Variants in GDPD5 observed in about 807,000 individuals in gnomAD.
GDPD5 encodes the protein glycerophosphodiester phosphodiesterase domain containing 5.
A neutral mutation model predicts 75.1 loss-of-function variants in GDPD5; 48 were observed. The observed-to-expected ratio is 0.64, with a 90% CI of 0.51 to 0.81. The LOEUF (loss-of-function observed/expected upper bound fraction) is 0.81. Among genes scored for constraint, GDPD5 ranks in the 40% least tolerant of loss-of-function variants. The pLI is 0.00. For synonymous variants in GDPD5, 336 were observed against 339.0 expected (o/e 0.99, Z 0.10); for missense variants, 706 against 822.6 (o/e 0.86, Z 1.73).
rs539719370 is a variant in GDPD5, at chr11:75,470,576, G to A, written c.117+7043C>T. Among the ~76,000 whole-genome samples, 10 of 152,254 alleles carry A rather than the reference G, an allele frequency of 6.6e-5. No individual in the cohort carries two copies. The East Asian group carries it at 9.7e-4, about 15-fold the overall frequency. On this transcript the variant is annotated intron_variant, in intron 3 of 16. Coordinates refer to ENST00000336898, the MANE Select transcript of GDPD5 (RefSeq NM_030792.8). ...AGTTCCATATGGATGTCACGTGTGCGGAGAGAGGTTTAAAAGCCTTATCTC... is the reference window on the plus strand; with the variant it reads ...AGTTCCATATGGATGTCACGTGTGCAGAGAGAGGTTTAAAAGCCTTATCTC...
intron 6 of GDPD5, chr11:75,450,279 G>A: frequency 2.0e-6 from 1 of 510,590 alleles, no homozygotes; most frequent in Non-Finnish European, 3.5e-6. Context: ...GAACTGTGAG[G>A]AGGGAGGACA....
Position 75,443,358 on chromosome 11 carries a change from C to G in GDPD5, c.798-72G>C, listed in dbSNP as rs889824445. On this transcript the variant is annotated intron_variant, in intron 10 of 16. Transcript: ENST00000336898. Reference sequence around the variant, plus strand: ...TACCTGCCCACCAATGATCGTCACCCCACACAGTCCTCCCCACCCAGCACA... The same window carrying G: ...TACCTGCCCACCAATGATCGTCACCGCACACAGTCCTCCCCACCCAGCACA... The G allele has an allele frequency of 9.3e-6, 14 of 1,500,778 alleles. No homozygotes were observed. In the Admixed American group the frequency reaches 2.8e-4, roughly 29 times the overall value. 93.0% of individuals were successfully genotyped at this position (1,500,778 alleles called of 1,614,324 possible). A position where few individuals can be genotyped will look rare whatever the true frequency, so the allele number is the denominator to read the frequency against.
chr11:75,498,321 A>G (rs1032244452), intron 1 of GDPD5, among the ~76,000 whole-genome samples: 3 of 152,258 alleles, frequency 2.0e-5, no homozygotes, highest in African/African-American at 7.2e-5. Context: ...GTGTTGACCA[A>G]CGCAAGTTCC....
intron 1 of GDPD5, among the ~76,000 whole-genome samples, chr11:75,510,231 G>T (rs1950486714): frequency 6.6e-6 from 1 of 152,262 alleles, no homozygotes; most frequent in African/African-American, 2.4e-5. Context: ...GACAGGGAGA[G>T]TGGTGAGGCC....
chr11:75,453,790 C>T (rs1949226438), intron 6 of GDPD5, among the ~76,000 whole-genome samples: 2 of 151,902 alleles, frequency 1.3e-5, no homozygotes, highest in Admixed American at 6.6e-5. Context: ...GAATAAAGGA[C>T]AAATTCTCAG....
chr11:75,473,976 G>C (rs1209517981), intron 3 of GDPD5, among the ~76,000 whole-genome samples: 1 of 152,200 alleles, frequency 6.6e-6, no homozygotes, highest in Non-Finnish European at 1.5e-5. Flanking sequence ...AACCAGGTCT[G>C]ATATACTTAT....
chr11:75,485,909 A>G (rs1251756704), intron 2 of GDPD5, among the ~76,000 whole-genome samples: 1 of 152,100 alleles, frequency 6.6e-6, no homozygotes, highest in East Asian at 1.9e-4. Flanking sequence ...GCCCTGGGGA[A>G]GGGGGGCAAG....
intron 2 of GDPD5, among the ~76,000 whole-genome samples, chr11:75,489,262 T>C (rs907666079): frequency 6.6e-6 from 1 of 152,252 alleles, no homozygotes; most frequent in Non-Finnish European, 1.5e-5. Flanking sequence ...TTCTGTACCA[T>C]ATCTAGTGTA....
intron 12 of GDPD5, 29 bp downstream of exon 12, chr11:75,442,334 G>A (rs771143854): frequency 3.6e-5 from 54 of 1,507,058 alleles, no homozygotes; most frequent in African/African-American, 2.3e-4. Context: ...CAGGGCTCCC[G>A]GGGGCAGAGC....
intron 4 of GDPD5, 70 bp from the exon 5 acceptor site, chr11:75,457,856 T>C: frequency 8.2e-7 from 1 of 1,224,620 alleles, no homozygotes; most frequent in Non-Finnish European, 1.2e-6. Context: ...ATCAGGATGG[T>C]CTGAGCCTCC....
chr11:75,445,385 T>C (rs150671050), intron 9 of GDPD5, among the ~76,000 whole-genome samples: 142 of 152,336 alleles, frequency 9.3e-4, no homozygotes, highest in African/African-American at 3.3e-3. Context: ...GGGTCTCAGT[T>C]TCCCCATGTG....
chr11:75,467,834 T>A (rs1189416021), intron 3 of GDPD5, among the ~76,000 whole-genome samples: 12 of 152,182 alleles, frequency 7.9e-5, no homozygotes, highest in Non-Finnish European at 1.8e-4. Flanking sequence ...TCCGTAGCAA[T>A]CTGGGCAATT....
chr11:75,499,160 G>GA lies in GDPD5; in HGVS notation c.-144-8841dup, dbSNP rs1247367618. On this transcript the variant is annotated intron_variant, in intron 1 of 16. Transcript: ENST00000336898. ...CCATCAATGCTTCCATTTCAGAGAT[G>GA]AGGAAACTGAAGCTCAGATCTTTCC... Among the ~76,000 whole-genome samples, 78 of 152,182 alleles carry GA rather than the reference G, an allele frequency of 5.1e-4. 1 individual carries two copies. The highest frequency in any genetic ancestry group is 1.0e-4 in the Non-Finnish European group (7 of 68,020).
At chr11:75,446,610 G>A (rs1258671518) in intron 9 of GDPD5, among the ~76,000 whole-genome samples, 5 of 152,188 alleles carry the variant, frequency 3.3e-5, no homozygotes, top group Non-Finnish European at 5.9e-5. Flanking sequence ...TGCACAGAGG[G>A]ACAGGCCACA....
At chr11:75,524,117 G>A (rs1051787169) in intron 1 of GDPD5, among the ~76,000 whole-genome samples, 5 of 152,248 alleles carry the variant, frequency 3.3e-5, no homozygotes, top group African/African-American at 7.2e-5. Flanking sequence ...ACCTGGGACT[G>A]TGCCCCAGCC....
intron 3 of GDPD5, among the ~76,000 whole-genome samples, chr11:75,465,362 C>G (rs1334675335): frequency 1.3e-5 from 2 of 152,210 alleles, no homozygotes; most frequent in Non-Finnish European, 2.9e-5. Context: ...CAGAGTGCCT[C>G]CTCCCTGAAG....
chr11:75,477,528 T>G, intron 3 of GDPD5, 91 bp downstream of exon 3: 1 of 719,902 alleles, frequency 1.4e-6, no homozygotes, highest in South Asian at 2.7e-5. Context: ...CCAGAGCGAG[T>G]CAGCAGAGAC....
At chr11:75,472,422 C>T (rs897230171) in intron 3 of GDPD5, among the ~76,000 whole-genome samples, 2 of 152,226 alleles carry the variant, frequency 1.3e-5, no homozygotes, top group African/African-American at 4.8e-5. Flanking sequence ...GCTGACAGGA[C>T]AAAAAGTGGG....
At chr11:75,480,300 C>A (rs1249615578) in intron 2 of GDPD5, among the ~76,000 whole-genome samples, 1 of 151,656 alleles carries the variant, frequency 6.6e-6, no homozygotes, top group East Asian at 1.9e-4. Flanking sequence ...TGCACTCCAG[C>A]CAGGGTGACA....
Sources: allele counts gnomAD v4.1 joint callset (sites outside exome capture counted in the v4.1 genomes callset), GRCh38; gene constraint gnomAD v4.1.1; transcripts MANE v1.5; gene names NCBI Gene and HGNC (gene_info 2026-07-23, HGNC 2026-07-21).